Variants in GLT1D1 observed in about 807,000 individuals in gnomAD.
GLT1D1 encodes the protein glycosyltransferase 1 domain containing 1.
A neutral mutation model predicts 28.7 loss-of-function variants in GLT1D1; 21 were observed. The ratio of observed to expected loss-of-function variants is 0.73; its 90% CI spans 0.52 to 1.05. The LOEUF (loss-of-function observed/expected upper bound fraction) is 1.05, where lower values mean the gene tolerates loss of function less well. Ranked by LOEUF, GLT1D1 falls within the 50% of genes least tolerant of loss-of-function variation. GLT1D1 has a pLI of 0.00. For missense variants in GLT1D1, 343 were observed against 330.6 expected (o/e 1.04, Z -0.29); for synonymous variants, 147 against 124.8 (o/e 1.18, Z -1.19).
chr12:128,975,885 T>A (rs1357731612), intron 7 of GLT1D1, among the ~76,000 whole-genome samples: 1 of 152,246 alleles, frequency 6.6e-6, no homozygotes, highest in Non-Finnish European at 1.5e-5. Context: ...GGAAGGTTCA[T>A]GCTGAAGAGT....
intron 7 of GLT1D1, among the ~76,000 whole-genome samples, chr12:128,982,467 C>T (rs1379149838): frequency 6.6e-6 from 1 of 152,108 alleles, no homozygotes; most frequent in East Asian, 1.9e-4. Context: ...GAGGACAGAA[C>T]AACACAAAGG....
intron 1 of GLT1D1, among the ~76,000 whole-genome samples, chr12:128,874,759 C>T (rs1283490584): frequency 6.6e-6 from 1 of 152,218 alleles, no homozygotes; most frequent in Non-Finnish European, 1.5e-5. Context: ...GCTGGGATTA[C>T]AGGCGTGAGC....
At chr12:128,862,273 G>A (rs1260490944) in intron 1 of GLT1D1, among the ~76,000 whole-genome samples, 1 of 148,336 alleles carries the variant, frequency 6.7e-6, no homozygotes, top group African/African-American at 2.5e-5. Context: ...AGGCTGCAAT[G>A]AGCCAAGATT....
At chr12:128,875,799 TCAA>T (rs926511432) in intron 1 of GLT1D1, 112 bp from the exon 2 acceptor site, 481 of 995,052 alleles carry the variant, frequency 4.8e-4, no homozygotes, top group Non-Finnish European at 5.5e-4. Context: ...AAACTCTGTC[TCAA>T]CAACAACAAC....
intron 4 of GLT1D1, among the ~76,000 whole-genome samples, chr12:128,908,453 C>CTTTCCTTCTTTCTTTCCT (rs1871172367): frequency 7.0e-6 from 1 of 142,828 alleles, no homozygotes; most frequent in African/African-American, 2.6e-5. Flanking sequence ...CCTTCTTTCC[C>CTTTCCTTCTTTCTTTCCT]TCTTTCCTTC....
At chr12:128,855,433 G>A (rs79052969) in intron 1 of GLT1D1, among the ~76,000 whole-genome samples, 14,000 of 151,566 alleles carry the variant, frequency 0.092, 719 homozygotes, top group East Asian at 0.18. Context: ...GATGTGGTGT[G>A]TGCATGCCTG....
intron 4 of GLT1D1, among the ~76,000 whole-genome samples, chr12:128,908,966 T>C (rs1871252435): frequency 6.6e-6 from 1 of 151,666 alleles, no homozygotes; most frequent in Non-Finnish European, 1.5e-5. Context: ...AATAAATAAA[T>C]AAATAAATAA....
chr12:128,915,100 A>G (rs1258185740), intron 4 of GLT1D1, 111 bp downstream of exon 6: 2 of 818,874 alleles, frequency 2.4e-6, no homozygotes, highest in Non-Finnish European at 3.9e-6. Flanking sequence ...AGAGAGAACA[A>G]GGTTCATTTC....
intron 4 of GLT1D1, among the ~76,000 whole-genome samples, chr12:128,909,329 C>CTTT (rs33945594): frequency 3.2e-4 from 48 of 151,216 alleles, no homozygotes; most frequent in Middle Eastern, 3.4e-3. Flanking sequence ...ATATTACTTT[C>CTTT]TTTTTTTTTA....
At chr12:128,969,165 T>C (rs951278380) in intron 7 of GLT1D1, among the ~76,000 whole-genome samples, 1 of 134,144 alleles carries the variant, frequency 7.5e-6, no homozygotes, top group Admixed American at 7.0e-5. Context: ...TCTCTGATTG[T>C]CTCTTCCTCT....
At chr12:128,873,001 C>T (rs1460629722) in intron 1 of GLT1D1, among the ~76,000 whole-genome samples, 1 of 152,072 alleles carries the variant, frequency 6.6e-6, no homozygotes, top group South Asian at 2.1e-4. Flanking sequence ...ACTCATCGAT[C>T]CTCCCATCTC....
chr12:128,964,410 A>G (rs904106662), intron 7 of GLT1D1, among the ~76,000 whole-genome samples: 22 of 152,130 alleles, frequency 1.4e-4, no homozygotes, highest in African/African-American at 5.3e-4. Flanking sequence ...CAATCTTTCC[A>G]TCCTCATGAC....
chr12:128,928,747 A>C (rs1873555215), intron 4 of GLT1D1, among the ~76,000 whole-genome samples: 1 of 150,582 alleles, frequency 6.6e-6, no homozygotes, highest in South Asian at 2.1e-4. Flanking sequence ...CAGTCTTCCT[A>C]GCAGCTGGGA....
At chr12:128,904,593 T>G (rs1243254127) in intron 4 of GLT1D1, among the ~76,000 whole-genome samples, 1 of 150,592 alleles carries the variant, frequency 6.6e-6, no homozygotes. Flanking sequence ...GTCACTGGTG[T>G]CCAGGTGATG....
intron 7 of GLT1D1, among the ~76,000 whole-genome samples, chr12:128,961,859 A>G (rs969694292): frequency 2.0e-5 from 3 of 152,134 alleles, no homozygotes; most frequent in South Asian, 2.1e-4. Flanking sequence ...AAAATTAACC[A>G]TCGTAAAGAC....
chr12:128,892,929 G>T (rs1869224737), intron 3 of GLT1D1, among the ~76,000 whole-genome samples: 1 of 152,060 alleles, frequency 6.6e-6, no homozygotes, highest in African/African-American at 2.4e-5. Flanking sequence ...TTTGGTGAAG[G>T]ATCATCCAGG....
intron 1 of GLT1D1, among the ~76,000 whole-genome samples, chr12:128,870,889 G>T (rs1956666732): frequency 6.6e-6 from 1 of 152,172 alleles, no homozygotes; most frequent in Non-Finnish European, 1.5e-5. Context: ...TATTCTGGAG[G>T]CTGAGACACA....
At chr12:128,956,481 G>A (rs1474287271) in intron 6 of GLT1D1, among the ~76,000 whole-genome samples, 2 of 152,054 alleles carry the variant, frequency 1.3e-5, no homozygotes, top group Admixed American at 6.5e-5. Context: ...ATCCTAAGTC[G>A]AATCATTATA....
intron 4 of GLT1D1, among the ~76,000 whole-genome samples, chr12:128,902,202 G>A (rs1303965733): frequency 3.3e-5 from 5 of 151,376 alleles, no homozygotes; most frequent in Non-Finnish European, 7.4e-5. Flanking sequence ...TGAAAAGTTC[G>A]GCCAGGTGCA....
Sources: allele counts gnomAD v4.1 joint callset (sites outside exome capture counted in the v4.1 genomes callset), GRCh38; gene constraint gnomAD v4.1.1; transcripts MANE v1.5; gene names NCBI Gene and HGNC (gene_info 2026-07-23, HGNC 2026-07-21).